The following FER variants were observed in gnomAD, a reference collection of about 807,000 sequenced individuals.
FER encodes the protein tyrosine-protein kinase Fer.
FER carries 63 observed loss-of-function variants against 111.0 expected under a neutral mutation model. The ratio of observed to expected loss-of-function variants is 0.57; its 90% CI spans 0.46 to 0.70. The LOEUF (loss-of-function observed/expected upper bound fraction) is 0.70, where lower values mean the gene tolerates loss of function less well. Among genes scored for constraint, FER ranks in the 30% least tolerant of loss-of-function variants. The pLI, the probability that FER is intolerant of heterozygous loss-of-function variation, is 0.00. For missense variants in FER, 914 were observed against 954.0 expected (o/e 0.96, Z 0.55); for synonymous variants, 327 against 313.9 (o/e 1.04, Z -0.44).
rs200094948 is a variant in FER at position 109,138,261 on chromosome 5, A to AT, written c.2048+37750dup. Among the ~76,000 whole-genome samples the AT allele has an allele frequency of 1.2e-3, 188 of 152,052 alleles. 1 individual carries two copies. The highest frequency in any genetic ancestry group is 4.1e-3 in the African/African-American group (171 of 41,514). On this transcript the variant is annotated intron_variant, in intron 17 of 19. Transcript: ENST00000281092. ...GTTTCATAATTCATATTATTATCTT[A>AT]TTTTTTTTGTAGTGGGAATTATCAA...
chr5:109,002,059 A>G (rs1008994522), intron 13 of FER, among the ~76,000 whole-genome samples: 24 of 151,742 alleles, frequency 1.6e-4, no homozygotes, highest in African/African-American at 5.6e-4. Flanking sequence ...AAGGTAATTT[A>G]TAGATTCAAT....
At chr5:109,008,329 C>T (rs1765759818) in intron 13 of FER, among the ~76,000 whole-genome samples, 1 of 152,198 alleles carries the variant, frequency 6.6e-6, no homozygotes, top group Non-Finnish European at 1.5e-5. Context: ...TTCCTCTCCC[C>T]ATTTCCCACA....
At chr5:108,820,069 A>G (rs1340220936) in intron 3 of FER, 1 of 982,840 alleles carries the variant, frequency 1.0e-6, no homozygotes, top group African/African-American at 1.8e-5. Context: ...GCAGGAATAT[A>G]AAAAAAAGAA....
chr5:108,914,471 A>G (rs1487934918), intron 10 of FER, among the ~76,000 whole-genome samples: 1 of 152,166 alleles, frequency 6.6e-6, no homozygotes, highest in East Asian at 1.9e-4. Flanking sequence ...TTTTGATAAC[A>G]AAGTGTTGTA....
intron 2 of FER, among the ~76,000 whole-genome samples, chr5:108,776,056 C>G (rs1328004283): frequency 6.6e-6 from 1 of 152,078 alleles, no homozygotes; most frequent in Non-Finnish European, 1.5e-5. Context: ...GATAATTCAT[C>G]TTGTACTTTA....
chr5:108,751,486 C>A (rs75815475), intron 1 of FER, among the ~76,000 whole-genome samples: 10,237 of 152,104 alleles, frequency 0.067, 425 homozygotes, highest in South Asian at 0.086. Context: ...TACAAAAAAA[C>A]GTTTTGCTTC....
chr5:109,121,397 G>A (rs553247812), intron 17 of FER, among the ~76,000 whole-genome samples: 297 of 152,214 alleles, frequency 2.0e-3, no homozygotes, highest in Middle Eastern at 0.017. Context: ...ATGTCACATT[G>A]ATCGAGTTGC....
intron 16 of FER, among the ~76,000 whole-genome samples, chr5:109,087,958 A>T (rs1337887718): frequency 1.3e-5 from 2 of 151,906 alleles, no homozygotes; most frequent in African/African-American, 2.4e-5. Flanking sequence ...TTTTTTAGTA[A>T]TTGGCTCATG....
intron 16 of FER, among the ~76,000 whole-genome samples, chr5:109,091,561 G>C (rs898935808): frequency 5.9e-5 from 9 of 152,164 alleles, no homozygotes; most frequent in Non-Finnish European, 2.9e-5. Context: ...CAGGGGCTCA[G>C]TGCTACTCCT....
At chr5:108,896,513 CAAA>C (rs1749122686) in intron 9 of FER, among the ~76,000 whole-genome samples, 2 of 152,106 alleles carry the variant, frequency 1.3e-5, no homozygotes, top group African/African-American at 4.8e-5. Context: ...AGGTCTCTCA[CAAA>C]TGTTCTTACT....
intron 9 of FER, among the ~76,000 whole-genome samples, chr5:108,886,212 G>C (rs1389791167): frequency 6.6e-6 from 1 of 151,598 alleles, no homozygotes; most frequent in African/African-American, 2.4e-5. Context: ...ATGTTTTCTT[G>C]ACAAATCTTT....
intron 13 of FER, among the ~76,000 whole-genome samples, chr5:108,975,307 C>T (rs916157434): frequency 3.3e-5 from 5 of 151,992 alleles, no homozygotes; most frequent in Non-Finnish European, 7.4e-5. Flanking sequence ...GCACGCGGGG[C>T]TTAAAACGTA....
intron 13 of FER, among the ~76,000 whole-genome samples, chr5:108,960,971 C>T (rs576606742): frequency 6.6e-6 from 1 of 152,140 alleles, no homozygotes; most frequent in Admixed American, 6.5e-5. Flanking sequence ...GCCTGTAGTC[C>T]CAGCTACTTG....
At chr5:108,775,038 A>C (rs1353769071) in intron 2 of FER, among the ~76,000 whole-genome samples, 2 of 152,142 alleles carry the variant, frequency 1.3e-5, no homozygotes, top group Non-Finnish European at 2.9e-5. Flanking sequence ...TTTAAATTTA[A>C]ATCTTTAATC....
chr5:108,995,422 C>G (rs1177907392), intron 13 of FER, among the ~76,000 whole-genome samples: 1 of 151,946 alleles, frequency 6.6e-6, no homozygotes, highest in Non-Finnish European at 1.5e-5. Flanking sequence ...TACTAGCCCC[C>G]CACCCCCCAA....
chr5:109,184,687 G>T (rs1758665188), intron 18 of FER, among the ~76,000 whole-genome samples: 1 of 152,154 alleles, frequency 6.6e-6, no homozygotes, highest in Non-Finnish European at 1.5e-5. Context: ...ATGATAGGCA[G>T]ACAAGAAAAT....
chr5:108,799,846 CTT>C (rs112192717), intron 3 of FER, among the ~76,000 whole-genome samples: 15 of 138,878 alleles, frequency 1.1e-4, no homozygotes, highest in Non-Finnish European at 1.1e-4. Flanking sequence ...CTTTTCTTTT[CTT>C]TTTTTTTTTT....
intron 13 of FER, among the ~76,000 whole-genome samples, chr5:108,975,230 C>T (rs1761179432): frequency 6.6e-6 from 1 of 151,984 alleles, no homozygotes; most frequent in East Asian, 1.9e-4. Context: ...GGGAGGGGAA[C>T]ATCACACACC....
chr5:108,895,543 C>T (rs1297074679), intron 9 of FER, among the ~76,000 whole-genome samples: 2 of 152,176 alleles, frequency 1.3e-5, no homozygotes, highest in Non-Finnish European at 2.9e-5. Context: ...AGTTACACTG[C>T]CTTTTCTTCC....
Sources: allele counts gnomAD v4.1 joint callset (sites outside exome capture counted in the v4.1 genomes callset), GRCh38; gene constraint gnomAD v4.1.1; transcripts MANE v1.5; gene names NCBI Gene and HGNC (gene_info 2026-07-23, HGNC 2026-07-21).